The following CFAP299 variants were observed in gnomAD, a reference collection of about 807,000 sequenced individuals.
CFAP299 encodes the protein cilia and flagella associated protein 299.
Under a neutral mutation model 27.0 loss-of-function variants are expected in CFAP299, and 21 were observed. The ratio of observed to expected loss-of-function variants is 0.78; its 90% CI spans 0.55 to 1.12. The LOEUF (loss-of-function observed/expected upper bound fraction) is 1.12. Among genes scored for constraint, CFAP299 ranks in the 50% most tolerant of loss-of-function variants. The pLI is 0.00. For synonymous variants in CFAP299, 104 were observed against 98.1 expected, an observed-to-expected ratio of 1.06 and a Z score of -0.36; for missense variants, 310 against 276.6, an observed-to-expected ratio of 1.12 and a Z score of -0.86.
At chr4:80,411,802 A>C (rs1174294625) in intron 2 of CFAP299, among the ~76,000 whole-genome samples, 2 of 152,038 alleles carry the variant, frequency 1.3e-5, no homozygotes, top group Non-Finnish European at 2.9e-5. Context: ...AATAATTTAG[A>C]CTTATTTTAC....
chr4:80,615,525 G>T (rs560543866), intron 3 of CFAP299, among the ~76,000 whole-genome samples: 4 of 150,658 alleles, frequency 2.7e-5, no homozygotes, highest in Non-Finnish European at 5.9e-5. Flanking sequence ...AGGCTTGCAG[G>T]CATCTTTCTT....
chr4:80,431,404 C>T (rs1183210155), intron 2 of CFAP299, among the ~76,000 whole-genome samples: 1 of 138,788 alleles, frequency 7.2e-6, no homozygotes, highest in East Asian at 2.4e-4. Context: ...CTCTTCCTTT[C>T]TTCCTTCCTC....
intron 2 of CFAP299, among the ~76,000 whole-genome samples, chr4:80,557,977 T>A (rs952422629): frequency 1.3e-5 from 2 of 151,816 alleles, no homozygotes; most frequent in Non-Finnish European, 2.9e-5. Flanking sequence ...TGAAGGCCCA[T>A]CAGTAATAAA....
At chr4:80,797,589 C>T (rs1315541391) in intron 3 of CFAP299, among the ~76,000 whole-genome samples, 2 of 152,140 alleles carry the variant, frequency 1.3e-5, no homozygotes, top group East Asian at 1.9e-4. Flanking sequence ...CCTGCCACCT[C>T]GAGATCCAAT....
chr4:80,896,147 A>G (rs1734599535), intron 4 of CFAP299, among the ~76,000 whole-genome samples: 2 of 152,108 alleles, frequency 1.3e-5, no homozygotes, highest in South Asian at 4.1e-4. Context: ...ACATGTGCTT[A>G]CCACAGTCTC....
At chr4:80,832,962 G>T (rs1283263376) in intron 3 of CFAP299, among the ~76,000 whole-genome samples, 1 of 151,774 alleles carries the variant, frequency 6.6e-6, no homozygotes, top group Non-Finnish European at 1.5e-5. Flanking sequence ...TTTTATTTTT[G>T]ACTTGTTTTG....
At chr4:80,775,366 C>G (rs1343683477) in intron 3 of CFAP299, among the ~76,000 whole-genome samples, 1 of 151,948 alleles carries the variant, frequency 6.6e-6, no homozygotes, top group Non-Finnish European at 1.5e-5. Flanking sequence ...AGAGATATAT[C>G]TCATCTTCAA....
At chr4:80,414,846 T>C (rs905675675) in intron 2 of CFAP299, among the ~76,000 whole-genome samples, 1 of 152,242 alleles carries the variant, frequency 6.6e-6, no homozygotes, top group African/African-American at 2.4e-5. Flanking sequence ...TTTATTTACA[T>C]ACATGTACTC....
chr4:80,342,017 T>G (rs1372556914), intron 1 of CFAP299, among the ~76,000 whole-genome samples: 1 of 152,082 alleles, frequency 6.6e-6, no homozygotes, highest in Admixed American at 6.6e-5. Context: ...AAATTCACAA[T>G]GTAATCACAA....
At chr4:80,404,754 A>C (rs911434473) in intron 2 of CFAP299, among the ~76,000 whole-genome samples, 3 of 152,166 alleles carry the variant, frequency 2.0e-5, no homozygotes, top group African/African-American at 7.2e-5. Flanking sequence ...TAGATGTACA[A>C]ATATTTCTTT....
rs182230867 is a variant in CFAP299, at chr4:80,856,636, C to A, written c.334-13357C>A. ...TTTCTACATATGGCTAGCCAGTTTT[C>A]CCAGCACCATTTACTAAATAGGGAA... On this transcript the variant is annotated intron_variant, in intron 3 of 5. Transcript: ENST00000358105. Among the ~76,000 whole-genome samples the A allele has an allele frequency of 9.2e-4, 140 of 152,126 alleles. 1 individual carries two copies. Among genetic ancestry groups the A allele is most frequent in the African/African-American group, 3.2e-3 (133 of 41,466 alleles).
chr4:80,597,729 C>T (rs1737132179), intron 3 of CFAP299, among the ~76,000 whole-genome samples: 2 of 151,944 alleles, frequency 1.3e-5, no homozygotes, highest in African/African-American at 4.8e-5. Flanking sequence ...GCTCTGTCAC[C>T]CAGGCTGGAG....
intron 2 of CFAP299, among the ~76,000 whole-genome samples, chr4:80,467,894 T>C (rs372766846): frequency 1.3e-5 from 2 of 152,140 alleles, no homozygotes; most frequent in Admixed American, 6.5e-5. Flanking sequence ...GAAGAGGCCC[T>C]TATAAAACCA....
chr4:80,683,869 G>A (rs879833828), intron 3 of CFAP299, among the ~76,000 whole-genome samples: 36 of 152,280 alleles, frequency 2.4e-4, no homozygotes, highest in Admixed American at 1.6e-3. Flanking sequence ...AAATGCTTAC[G>A]TGTTATCAAA....
At chr4:80,677,212 C>T (rs1171196657) in intron 3 of CFAP299, among the ~76,000 whole-genome samples, 2 of 151,924 alleles carry the variant, frequency 1.3e-5, no homozygotes, top group African/African-American at 4.8e-5. Context: ...ACCCGTTGGT[C>T]ATTGAAGAGC....
At chr4:80,386,658 G>A in intron 2 of CFAP299, 1 of 1,590,624 alleles carries the variant, frequency 6.3e-7, no homozygotes, top group Middle Eastern at 1.7e-4. Context: ...TGGGCGCGCA[G>A]GTGCTCGGCG....
chr4:80,902,117 A>G, intron 4 of CFAP299, among the ~76,000 whole-genome samples: 1 of 151,814 alleles, frequency 6.6e-6, no homozygotes. Flanking sequence ...TCACTGAAGG[A>G]TGTTCTGAAG....
chr4:80,556,581 G>A (rs868180886), intron 2 of CFAP299, among the ~76,000 whole-genome samples: 7 of 151,834 alleles, frequency 4.6e-5, no homozygotes, highest in African/African-American at 7.2e-5. Flanking sequence ...TTACAAATAA[G>A]CCTAATAAGC....
chr4:80,444,706 G>T (rs1471056468), intron 2 of CFAP299, among the ~76,000 whole-genome samples: 2 of 152,138 alleles, frequency 1.3e-5, no homozygotes, highest in African/African-American at 4.8e-5. Context: ...AAGAGCTTCT[G>T]CACAGCAAAA....
Sources: gnomAD v4.1 joint callset for allele counts (sites outside exome capture counted in the v4.1 genomes callset) on GRCh38, gnomAD v4.1.1 for gene constraint, MANE v1.5 for transcripts, NCBI Gene and HGNC (gene_info 2026-07-23, HGNC 2026-07-21) for gene names.